Variants in KIAA1217 observed in about 807,000 individuals in gnomAD.
The protein encoded by KIAA1217 is sickle tail protein homolog.
Under a neutral mutation model 163.9 loss-of-function variants are expected in KIAA1217, and 88 were observed. That is an observed-to-expected ratio of 0.54 (90% confidence interval 0.45 to 0.64). The LOEUF is 0.64. Ranked by LOEUF, KIAA1217 falls within the 30% of genes least tolerant of loss-of-function variation. The pLI is 0.00. For synonymous variants in KIAA1217, 903 were observed against 923.1 expected, an observed-to-expected ratio of 0.98 and a Z score of 0.39; for missense variants, 2,372 against 2,475.0, an observed-to-expected ratio of 0.96 and a Z score of 0.88.
chr10:23,933,837 G>A (rs1353631136), intron 1 of KIAA1217, among the ~76,000 whole-genome samples: 2 of 152,124 alleles, frequency 1.3e-5, no homozygotes, highest in Non-Finnish European at 1.5e-5. Context: ...ACCACAGTGA[G>A]ATACCATCTC....
chr10:24,249,479 A>G (rs1057070332), intron 2 of KIAA1217, among the ~76,000 whole-genome samples: 10 of 152,194 alleles, frequency 6.6e-5, no homozygotes, highest in African/African-American at 1.9e-4. Context: ...AGCTTTTTCT[A>G]TATCATTAGA....
chr10:24,431,032 G>A (rs534727301), intron 3 of KIAA1217, among the ~76,000 whole-genome samples: 1 of 152,238 alleles, frequency 6.6e-6, no homozygotes, highest in East Asian at 1.9e-4. Flanking sequence ...AGTTTCCCTG[G>A]CTCTGCCTGT....
intron 2 of KIAA1217, among the ~76,000 whole-genome samples, chr10:24,067,598 A>T (rs1202259293): frequency 6.6e-6 from 1 of 152,214 alleles, no homozygotes; most frequent in African/African-American, 2.4e-5. Context: ...TCAGGGACCC[A>T]CTTGAGGAGG....
chr10:24,451,161 G>A (rs1179703149), intron 5 of KIAA1217, among the ~76,000 whole-genome samples: 1 of 152,100 alleles, frequency 6.6e-6, no homozygotes, highest in African/African-American at 2.4e-5. Context: ...GACCTTTCCT[G>A]CTCTCTTCTT....
intron 1 of KIAA1217, among the ~76,000 whole-genome samples, chr10:23,937,919 G>A (rs568113862): frequency 1.3e-5 from 2 of 152,280 alleles, no homozygotes; most frequent in East Asian, 3.9e-4. Context: ...TTTAGCACAG[G>A]GAGAGGGAAC....
chr10:24,071,509 C>A (rs1232813908), intron 2 of KIAA1217, among the ~76,000 whole-genome samples: 5 of 152,038 alleles, frequency 3.3e-5, no homozygotes, highest in African/African-American at 1.2e-4. Context: ...AAAAAAAGAA[C>A]TCTTTCTTTA....
chr10:24,357,950 G>A (rs560723696), intron 2 of KIAA1217, among the ~76,000 whole-genome samples: 1 of 152,240 alleles, frequency 6.6e-6, no homozygotes, highest in Admixed American at 6.5e-5. Flanking sequence ...TGAGGCTGTA[G>A]GCACCACTGC....
chr10:24,068,801 C>T (rs1289727235), intron 2 of KIAA1217, among the ~76,000 whole-genome samples: 5 of 152,184 alleles, frequency 3.3e-5, no homozygotes, highest in Non-Finnish European at 5.9e-5. Flanking sequence ...GACTATGCAC[C>T]CAACTCTTTC....
At chr10:24,538,614 A>AAT in intron 17 of KIAA1217, among the ~76,000 whole-genome samples, 3 of 32,150 alleles carry the variant, frequency 9.3e-5, no homozygotes, top group Non-Finnish European at 1.9e-4. Context: ...GGAAAAAGAG[A>AAT]GGAAGGAAAA....
chr10:24,520,124 G>A lies in KIAA1217; in HGVS notation c.2179G>A (p.Glu727Lys), dbSNP rs1214630546. ...GTGCTGGTGTCCTTGCTCCCGCAGC[G>A]AGTTGGAAGACTTTGTTGAAGACTT... ...EEEKIVKKLC[E>K]LEDFVEDLKK... is the part of the protein sequence containing the mutation. Residue 727 changes from glutamate (E) to lysine (K), a missense_variant and splice_region_variant, in exon 11 of 21, where the codon GAG becomes AAG. Physicochemically the swap from Glu to Lys is moderately conservative, Grantham distance 56 (BLOSUM62 1). Around this residue, in one of 3 missense-constraint regions of KIAA1217, gnomAD observed 1,431 missense variants for 1,470.3 expected, o/e 0.97. Transcript: ENST00000376454. 1 of 1,613,628 alleles carries A rather than the reference G, an allele frequency of 6.2e-7. No individual in the cohort carries two copies. Among genetic ancestry groups the A allele is most frequent in the African/African-American group, 1.3e-5 (1 of 74,926 alleles).
At chr10:23,997,647 T>C (rs1225057671) in intron 1 of KIAA1217, among the ~76,000 whole-genome samples, 1 of 152,212 alleles carries the variant, frequency 6.6e-6, no homozygotes, top group African/African-American at 2.4e-5. Flanking sequence ...TTCAAACATA[T>C]ACTTTACATC....
intron 2 of KIAA1217, among the ~76,000 whole-genome samples, chr10:24,350,033 G>A (rs1291236954): frequency 6.6e-6 from 1 of 152,140 alleles, no homozygotes; most frequent in Non-Finnish European, 1.5e-5. Flanking sequence ...TTAAAAGCAG[G>A]CATGATGCAT....
chr10:23,961,310 A>C (rs1844811521), intron 1 of KIAA1217, among the ~76,000 whole-genome samples: 1 of 152,166 alleles, frequency 6.6e-6, no homozygotes, highest in Non-Finnish European at 1.5e-5. Context: ...TGAGGACCTT[A>C]TTATCCAAAA....
At position 23,790,050 on chromosome 10, in the gene KIAA1217, TAC is replaced by T. The variant is rs1485867512; in HGVS notation, c.-321+94820_-321+94821del. ...GCATATACACATATACATATGCATA[TAC>T]ACATATACACATATGCATATACACA... On this transcript the variant is annotated intron_variant, in intron 1 of 18. Coordinates refer to the KIAA1217 transcript ENST00000376462. Among the ~76,000 whole-genome samples, 3 of 119,930 alleles carry T rather than the reference TAC, an allele frequency of 2.5e-5. 1 individual carries two copies. Among genetic ancestry groups the T allele is most frequent in the Admixed American group, 9.1e-5 (1 of 11,046 alleles). The allele number at this position is 119,930 out of a possible 152,430, so 78.7% of individuals were successfully genotyped here.
chr10:24,116,057 C>G (rs957739923), intron 2 of KIAA1217, among the ~76,000 whole-genome samples: 1 of 152,124 alleles, frequency 6.6e-6, no homozygotes, highest in Admixed American at 6.5e-5. Context: ...TGACTTCCCT[C>G]GTTGACAGTG....
In KIAA1217 at chr10:23,790,136, T is replaced by C. The variant is rs1466267765; in HGVS notation, c.-321+94902T>C. Among the ~76,000 whole-genome samples, 4 of 75,626 alleles carry C rather than the reference T, an allele frequency of 5.3e-5. 1 individual carries two copies. Among genetic ancestry groups the C allele is most frequent in the African/African-American group, 6.9e-5 (1 of 14,502 alleles). The allele number at this position is 75,626 out of a possible 152,430, so 49.6% of individuals were successfully genotyped here. The stretch of plus-strand genomic sequence containing the variant: ...GCATATACACATATACACATATGCA[T>C]ATACACATATACACATATGCATATA... On this transcript the variant is annotated intron_variant, in intron 1 of 18. Transcript: ENST00000376462.
intron 2 of KIAA1217, among the ~76,000 whole-genome samples, chr10:24,134,934 T>G (rs2063779643): frequency 6.6e-6 from 1 of 152,114 alleles, no homozygotes; most frequent in African/African-American, 2.4e-5. Context: ...AGGTTAGGTG[T>G]GAAAACAAGG....
At chr10:23,987,376 C>CA (rs34281134) in intron 1 of KIAA1217, among the ~76,000 whole-genome samples, 34,888 of 93,252 alleles carry the variant, frequency 0.37, 6,731 homozygotes, top group East Asian at 0.63. Flanking sequence ...GACTCCATCT[C>CA]AAAAAAAAAA....
chr10:24,196,172 C>CACACAT (rs1222471443), intron 2 of KIAA1217, among the ~76,000 whole-genome samples: 90 of 146,658 alleles, frequency 6.1e-4, no homozygotes, highest in African/African-American at 2.0e-3. Context: ...CACACACACA[C>CACACAT]TGCCCTCACA....
Sources: allele counts gnomAD v4.1 joint callset (sites outside exome capture counted in the v4.1 genomes callset), GRCh38; gene constraint gnomAD v4.1.1; regional missense constraint gnomAD v4.1.1; transcripts MANE v1.5; gene names NCBI Gene and HGNC (gene_info 2026-07-23, HGNC 2026-07-21).